The following ATP8B2 variants were observed in gnomAD, a reference collection of about 807,000 sequenced individuals.
ATP8B2 encodes ATPase phospholipid transporting 8B2.
Under a neutral mutation model 133.4 loss-of-function variants are expected in ATP8B2, and 70 were observed. The ratio of observed to expected loss-of-function variants is 0.52; its 90% CI spans 0.43 to 0.64. The LOEUF is 0.64. ATP8B2 is among the 30% of genes least tolerant of loss of function. The probability of loss-of-function intolerance (pLI) is 0.00; values close to 1 mark genes in which losing one functional copy is unlikely to be tolerated. For synonymous variants in ATP8B2, 517 were observed against 589.5 expected, an observed-to-expected ratio of 0.88 and a Z score of 1.78; for missense variants, 1,101 against 1,535.7, an observed-to-expected ratio of 0.72 and a Z score of 4.73.
At chr1:154,348,221 G>A (rs1040174614) in intron 26 of ATP8B2, among the ~76,000 whole-genome samples, 187 bp from the exon 27 acceptor site, 1 of 152,194 alleles carries the variant, frequency 6.6e-6, no homozygotes, top group Non-Finnish European at 1.5e-5. Context: ...AGTTGAAGCA[G>A]CAGGTCTGGA....
rs1239586277 is a variant in ATP8B2, at chr1:154,345,650, A to AC, written c.2694+106dup. 3 of 1,327,740 alleles carry AC rather than the reference A, an allele frequency of 2.3e-6. No individual in the cohort carries two copies. The African/African-American group carries it at 4.4e-5, about 19-fold the overall frequency. 82.2% of individuals were successfully genotyped at this position (1,327,740 alleles called of 1,614,324 possible). ...CCCCAGGGCCTAGCTATTTTCTGGT[A>AC]CATACTCTTAAAAAATGCTTATTAA... On this transcript the variant is annotated intron_variant, in intron 23 of 27. Transcript: ENST00000368489. This position sits in a 1 kb window ranked among gnomAD's most constrained non-coding sequence, Gnocchi z 5.6.
In ATP8B2 at chr1:154,331,187, C is replaced by T. The variant is rs763009096; in HGVS notation, c.303+41C>T. The T allele has an allele frequency of 2.5e-5, 39 of 1,558,288 alleles. No individual in the cohort carries two copies. Among genetic ancestry groups the T allele is most frequent in the Non-Finnish European group, 3.4e-5 (38 of 1,133,246 alleles). On this transcript the variant is annotated intron_variant, in intron 5 of 27. Transcript: ENST00000368489. This position sits in a 1 kb window ranked among gnomAD's most constrained non-coding sequence, Gnocchi z 4.8. ...TCTTCTATTTTGTCCCAGTCACCCA[C>T]CCCTACTCCCAGCCCCACCCCCATC...
In ATP8B2 at chr1:154,344,608, A is replaced by G. The variant is rs1249337400; in HGVS notation, c.2142-33A>G. ...TCCCTGCTCCCCACTGCCGTTCTGG[A>G]AGACCACAACCGTATCATTTCCACC... is the stretch of plus-strand genomic sequence containing the variant. On this transcript the variant is annotated intron_variant, in intron 20 of 27. Transcript: ENST00000368489. The surrounding 1 kb of genome is among the most constrained non-coding windows in gnomAD (Gnocchi z 4.1). The G allele has an allele frequency of 6.2e-7, 1 of 1,607,470 alleles. No individual in the cohort carries two copies. The highest frequency in any genetic ancestry group is 1.3e-5 in the African/African-American group (1 of 74,772).
At position 154,340,554 on chromosome 1, in the gene ATP8B2, G is replaced by T. The variant is rs1044552556; in HGVS notation, c.1035-300G>T. 1 of 425,002 alleles carries T rather than the reference G, an allele frequency of 2.4e-6. No homozygotes were observed. The highest frequency in any genetic ancestry group is 4.5e-6 in the Non-Finnish European group (1 of 222,970). The allele number at this position is 425,002 out of a possible 1,614,324, so 26.3% of individuals were successfully genotyped here. ...ATTATTAGTCCTGAGGTAAGAACTGGCCGAGTGCCTTGTCTACAGCCCCTT... is the reference window on the plus strand; with the variant it reads ...ATTATTAGTCCTGAGGTAAGAACTGTCCGAGTGCCTTGTCTACAGCCCCTT... On this transcript the variant is annotated intron_variant, in intron 12 of 27. Coordinates refer to ENST00000368489, the MANE Select transcript of ATP8B2 (RefSeq NM_001370597.1). This position sits in a 1 kb window ranked among gnomAD's most constrained non-coding sequence, Gnocchi z 4.0.
chr1:154,332,020 G>A lies in ATP8B2; in HGVS notation c.505G>A (p.Asp169Asn). The part of the protein sequence containing the change: ...GLCYIETAEL[D>N]GETNMKVRQA... ...GTGTTACATAGAGACAGCAGAACTT[G>A]ATGGGTAAGTGGCATGCTCAGTGTC... The change falls in exon 8 of 28, where the codon GAT becomes AAT. Residue 169 changes from aspartate to asparagine, a missense_variant. Asp to Asn is a conservative substitution (Grantham distance 23). Coordinates refer to ENST00000368489, the MANE Select transcript of ATP8B2 (RefSeq NM_001370597.1). 6.2e-7 allele frequency: 1 copy of A among 1,613,542 alleles called. No individual in the cohort carries two copies. Among genetic ancestry groups the A allele is most frequent in the Non-Finnish European group, 8.5e-7 (1 of 1,179,452 alleles).
intron 26 of ATP8B2, among the ~76,000 whole-genome samples, chr1:154,348,207 T>G (rs1686658334): frequency 6.6e-6 from 1 of 152,288 alleles, no homozygotes; most frequent in South Asian, 2.1e-4. Context: ...ATGTCAAGTC[T>G]GGCAGTTGAA....
Position 154,344,386 on chromosome 1 carries a change from T to G in ATP8B2, c.2036-9T>G. 1.2e-6 allele frequency: 2 copies of G among 1,614,154 alleles called. No homozygotes were observed. Among genetic ancestry groups the G allele is most frequent in the Non-Finnish European group, 1.7e-6 (2 of 1,180,012 alleles). On this transcript the variant is annotated splice_polypyrimidine_tract_variant and intron_variant, in intron 19 of 27. Coordinates refer to ENST00000368489, the MANE Select transcript of ATP8B2 (RefSeq NM_001370597.1). This position sits in a 1 kb window ranked among gnomAD's most constrained non-coding sequence, Gnocchi z 4.1. ...GCCTGTCCGTAGCTCCTGCGTTCTC[T>G]CTTGGTAGAGACGGCTGTGAACATC...
In ATP8B2 at chr1:154,346,532, C is replaced by T; in HGVS notation, c.3024+56C>T. The stretch of plus-strand genomic sequence containing the variant: ...TCTGGAAGGAGTGAGCCTTCTGTCC[C>T]TGGGGCTGCCCTGGGCACCACAGTT... On this transcript the variant is annotated intron_variant, in intron 25 of 27. Transcript: ENST00000368489. The surrounding 1 kb of genome is among the most constrained non-coding windows in gnomAD (Gnocchi z 4.5). 3 of 1,606,232 alleles carry T rather than the reference C, an allele frequency of 1.9e-6. No individual in the cohort carries two copies. Among genetic ancestry groups the T allele is most frequent in the South Asian group, 2.2e-5 (2 of 90,012 alleles).
chr1:154,328,174 T>A lies in ATP8B2; in HGVS notation c.31+2T>A. The A allele has an allele frequency of 6.2e-7, 1 of 1,613,300 alleles. No homozygotes were observed. The highest frequency in any genetic ancestry group is 8.5e-7 in the Non-Finnish European group (1 of 1,179,526). On this transcript the variant is annotated splice_donor_variant, in intron 2 of 27. Coordinates refer to ENST00000368489, the MANE Select transcript of ATP8B2 (RefSeq NM_001370597.1). LOFTEE classifies it high-confidence loss of function. This position sits in a 1 kb window ranked among gnomAD's most constrained non-coding sequence, Gnocchi z 4.6. ...TGTGTGCAAAAAAGCGCCCCCCAGG[T>A]AAGACAGGCAAGGAGGGGAGATCCC... is the stretch of plus-strand genomic sequence containing the variant.
In ATP8B2 at chr1:154,342,908, T is replaced by C; in HGVS notation, c.1400T>C (p.Phe467Ser). ...ATCGGGGACCCCCACACGCATGAGT[T>C]CTTCCGCCTCCTTTCCCTGTGTCAT... is the stretch of plus-strand genomic sequence containing the variant. Reference protein sequence around the residue: ...VKIGDPHTHEFFRLLSLCHTV... With the variant: ...VKIGDPHTHESFRLLSLCHTV... The change falls in exon 15 of 28, where the codon TTC becomes TCC. Residue 467 changes from phenylalanine to serine, a missense_variant. By Grantham distance (155) the Phe-to-Ser change is radical. Transcript: ENST00000368489. 1 of 1,614,154 alleles carries C rather than the reference T, an allele frequency of 6.2e-7. No homozygotes were observed. The highest frequency in any genetic ancestry group is 8.5e-7 in the Non-Finnish European group (1 of 1,180,026).
Position 154,331,768 on chromosome 1 carries a change from T to A in ATP8B2, c.438+90T>A. The A allele has an allele frequency of 7.0e-7, 1 of 1,435,758 alleles. No individual in the cohort carries two copies. Among genetic ancestry groups the A allele is most frequent in the East Asian group, 2.3e-5 (1 of 43,996 alleles). 88.9% of individuals were successfully genotyped at this position (1,435,758 alleles called of 1,614,324 possible). On this transcript the variant is annotated intron_variant, in intron 7 of 27. Coordinates refer to ENST00000368489, the MANE Select transcript of ATP8B2 (RefSeq NM_001370597.1). The surrounding 1 kb of genome is among the most constrained non-coding windows in gnomAD (Gnocchi z 4.8). ...TCTTTCCTGATTTACTGTTGCCTCT[T>A]AAACACCCGTGGCAGGAATCTTTCT...
Position 154,340,738 on chromosome 1 carries a change from A to C in ATP8B2, c.1035-116A>C. The C allele has an allele frequency of 1.0e-6, 1 of 956,416 alleles. No individual in the cohort carries two copies. The highest frequency in any genetic ancestry group is 2.4e-5 in the East Asian group (1 of 41,524). The allele number at this position is 956,416 out of a possible 1,614,324, so 59.2% of individuals were successfully genotyped here. A position where few individuals can be genotyped will look rare whatever the true frequency, so the allele number is the denominator to read the frequency against. ...CTTTCCCACCCAGGTTTCTGTGCCC[A>C]GGTGTCTTCTCCGTTCTTGTCTCTC... On this transcript the variant is annotated intron_variant, in intron 12 of 27. Transcript: ENST00000368489. The surrounding 1 kb of genome is among the most constrained non-coding windows in gnomAD (Gnocchi z 4.0).
rs766826477 is a variant in ATP8B2 at position 154,343,291 on chromosome 1, G to A, written c.1632G>A (p.Met544Ile). The stretch of plus-strand genomic sequence containing the variant: ...ACTTCAACAACATCCGCAAGCGGAT[G>A]TCGGTCATAGGTGAGGCCAGGCCTG... ...ILDFNNIRKR[M>I]SVIVRNPEGK... Residue 544 changes from methionine (M) to isoleucine (I), a missense_variant, in exon 16 of 28, where the codon ATG (methionine) becomes ATA (isoleucine). Physicochemically the swap from Met to Ile is conservative, Grantham distance 10. Coordinates refer to ENST00000368489, the MANE Select transcript of ATP8B2 (RefSeq NM_001370597.1). This position sits in a 1 kb window ranked among gnomAD's most constrained non-coding sequence, Gnocchi z 5.8. The A allele has an allele frequency of 3.1e-6, 5 of 1,614,130 alleles. No homozygotes were observed. The highest frequency in any genetic ancestry group is 2.2e-5 in the South Asian group (2 of 91,084).
chr1:154,348,626 T>C, intron 27 of ATP8B2, 88 bp downstream of exon 27: 2 of 1,545,436 alleles, frequency 1.3e-6, no homozygotes, highest in Non-Finnish European at 8.8e-7. Flanking sequence ...TGTGGGGCCA[T>C]GTGGCTGTTC....
At chr1:154,332,056 T>C in intron 8 of ATP8B2, 32 bp downstream of exon 8, 1 of 1,593,356 alleles carries the variant, frequency 6.3e-7, no homozygotes, top group Non-Finnish European at 8.6e-7. Flanking sequence ...AGCCCTCTCC[T>C]TCTGTCTCTT....
chr1:154,337,724 C>A, intron 12 of ATP8B2, 180 bp downstream of exon 12: 1 of 1,544,142 alleles, frequency 6.5e-7, no homozygotes, highest in South Asian at 1.3e-5. Flanking sequence ...CCACAGTTTC[C>A]TGGTACTTGG....
intron 12 of ATP8B2, chr1:154,338,807 C>A (rs1000282965): frequency 3.3e-5 from 5 of 151,906 alleles, no homozygotes; most frequent in African/African-American, 1.2e-4. Context: ...ACCCCTCCCC[C>A]ACAAAAAGAA....
In ATP8B2 at chr1:154,345,128, G is replaced by A. The variant is rs755741967; in HGVS notation, c.2444G>A (p.Gly815Glu). Residue 815 changes from glycine (G) to glutamate (E), a missense_variant, in exon 22 of 28, where the codon GGA (glycine) becomes GAA (glutamate). Gly to Glu is a moderately conservative substitution (Grantham distance 98). Coordinates refer to ENST00000368489, the MANE Select transcript of ATP8B2 (RefSeq NM_001370597.1). This position sits in a 1 kb window ranked among gnomAD's most constrained non-coding sequence, Gnocchi z 5.6. ...GCTGTGACGCTTGCCATTGGAGACG[G>A]AGCCAATGATGTCAGCATGATCAAA... ...KKAVTLAIGD[G>E]ANDVSMIKTA... 1.2e-6 allele frequency: 2 copies of A among 1,613,980 alleles called. No individual in the cohort carries two copies. The highest frequency in any genetic ancestry group is 1.7e-6 in the Non-Finnish European group (2 of 1,179,980).
Position 154,346,468 on chromosome 1 carries a change from A to G in ATP8B2, c.3016A>G (p.Ser1006Gly). 6.2e-7 allele frequency: 1 copy of G among 1,613,238 alleles called. No homozygotes were observed. The highest frequency in any genetic ancestry group is 8.5e-7 in the Non-Finnish European group (1 of 1,179,376). The change falls in exon 25 of 28, where the codon AGC (serine) becomes GGC (glycine). Residue 1006 changes from serine (S) to glycine (G), a missense_variant. Ser to Gly is a moderately conservative substitution (Grantham distance 56). Coordinates refer to ENST00000368489, the MANE Select transcript of ATP8B2 (RefSeq NM_001370597.1). This position sits in a 1 kb window ranked among gnomAD's most constrained non-coding sequence, Gnocchi z 4.5. ...TVATSLVIVV[S>G]VQIGLDTGYW... The stretch of plus-strand genomic sequence containing the variant: ...GGCCACATCCTTGGTCATTGTGGTT[A>G]GCGTGCAGGTATGAGGCCATCCAGG...
Sources: allele counts gnomAD v4.1 joint callset (sites outside exome capture counted in the v4.1 genomes callset), GRCh38; gene constraint gnomAD v4.1.1; non-coding constraint Gnocchi (gnomAD v3.1); transcripts MANE v1.5; gene names NCBI Gene and HGNC (gene_info 2026-07-23, HGNC 2026-07-21).